ACAD11: variants seen among roughly 807,000 people sequenced by gnomAD.
The protein encoded by ACAD11 is acyl-Coenzyme A dehydrogenase family, member 11.
In ACAD11, 83 loss-of-function variants were observed where a neutral mutation model predicts 102.2. The observed-to-expected ratio is 0.81, with a 90% CI of 0.68 to 0.97. ACAD11 has a LOEUF of 0.97. ACAD11 is among the 50% of genes least tolerant of loss of function. ACAD11 has a pLI of 0.00. For synonymous variants in ACAD11, 324 were observed against 319.8 expected (o/e 1.01, Z -0.14); for missense variants, 901 against 951.7 (o/e 0.95, Z 0.70).
chr3:132,602,634 T>G (rs1213226129), intron 13 of ACAD11, among the ~76,000 whole-genome samples: 1 of 152,156 alleles, frequency 6.6e-6, no homozygotes, highest in Non-Finnish European at 1.5e-5. Flanking sequence ...AGCAATTACA[T>G]TGGTCAAAAA....
At chr3:132,632,154 G>T (rs1940069987) in intron 5 of ACAD11, among the ~76,000 whole-genome samples, 1 of 150,442 alleles carries the variant, frequency 6.6e-6, no homozygotes, top group Admixed American at 6.6e-5. Context: ...CGCGATCTCT[G>T]CTCACTGCAA....
chr3:132,575,021 T>C (rs1937497182), intron 17 of ACAD11, among the ~76,000 whole-genome samples: 1 of 151,610 alleles, frequency 6.6e-6, no homozygotes, highest in South Asian at 2.1e-4. Flanking sequence ...TTTTTTTTTG[T>C]ATTTTAGTAG....
At position 132,609,819 on chromosome 3, in the gene ACAD11, C is replaced by A. The variant is rs186871739; in HGVS notation, c.1415-4614G>T. Reference sequence around the variant, plus strand: ...CTGATACCAAAACCTGGTGGAGACACAACAAAAAAAGAAAATTTCAGGCCA... The same window carrying A: ...CTGATACCAAAACCTGGTGGAGACAAAACAAAAAAAGAAAATTTCAGGCCA... On this transcript the variant is annotated intron_variant, in intron 11 of 19. Coordinates refer to ENST00000264990, the MANE Select transcript of ACAD11 (RefSeq NM_032169.5). 2.0e-3 allele frequency among the ~76,000 whole-genome samples: 310 copies of A among 152,050 alleles called. 2 individuals carry two copies. Among genetic ancestry groups the A allele is most frequent in the African/African-American group, 7.1e-3 (295 of 41,472 alleles).
At chr3:132,632,645 T>C (rs1018008066) in intron 5 of ACAD11, among the ~76,000 whole-genome samples, 7 of 152,206 alleles carry the variant, frequency 4.6e-5, no homozygotes, top group East Asian at 1.9e-4. Flanking sequence ...GGGGATGGCA[T>C]TGAATCTATA....
chr3:132,619,450 C>A lies in ACAD11; in HGVS notation c.1275+18G>T. Reference sequence around the variant, plus strand: ...AAACACTTGCATATGAATTTTCTAGCGTTAAAGATTTTCTTACCTTGAGTT... The same window carrying A: ...AAACACTTGCATATGAATTTTCTAGAGTTAAAGATTTTCTTACCTTGAGTT... On this transcript the variant is annotated intron_variant, in intron 10 of 19. Coordinates refer to ENST00000264990, the MANE Select transcript of ACAD11 (RefSeq NM_032169.5). 1 of 1,533,996 alleles carries A rather than the reference C, an allele frequency of 6.5e-7. No homozygotes were observed. Among genetic ancestry groups the A allele is most frequent in the Non-Finnish European group, 8.8e-7 (1 of 1,136,800 alleles).
In ACAD11 at chr3:132,575,650, C is replaced by G. The variant is rs142422134; in HGVS notation, c.2001+122G>C. On this transcript the variant is annotated intron_variant, in intron 17 of 19. Coordinates refer to ENST00000264990, the MANE Select transcript of ACAD11 (RefSeq NM_032169.5). Reference sequence around the variant, plus strand: ...ATATTTAAATACAGACATAAATATGCCTTATTGAAAAGAATCACCCGGTTC... The same window carrying G: ...ATATTTAAATACAGACATAAATATGGCTTATTGAAAAGAATCACCCGGTTC... 1.6e-4 allele frequency: 189 copies of G among 1,166,614 alleles called. 1 individual carries two copies. The East Asian group carries it at 4.7e-3, about 29-fold the overall frequency. The allele number at this position is 1,166,614 out of a possible 1,614,324, so 72.3% of individuals were successfully genotyped here.
chr3:132,619,289 T>A (rs567661749), intron 10 of ACAD11, among the ~76,000 whole-genome samples, 179 bp downstream of exon 10: 1 of 152,314 alleles, frequency 6.6e-6, no homozygotes, highest in East Asian at 1.9e-4. Flanking sequence ...CTACCATATA[T>A]AGAACACTAC....
chr3:132,579,605 T>C, intron 13 of ACAD11, 47 bp from the exon 14 acceptor site: 1 of 1,513,350 alleles, frequency 6.6e-7, no homozygotes, highest in Non-Finnish European at 9.2e-7. Context: ...AAATTTCTAG[T>C]TTGACATTTC....
chr3:132,584,064 G>A (rs917265061), intron 13 of ACAD11, among the ~76,000 whole-genome samples: 1 of 152,204 alleles, frequency 6.6e-6, no homozygotes. Flanking sequence ...TTCTGTAGAT[G>A]TCTACTAGGT....
chr3:132,592,477 CT>C lies in ACAD11; in HGVS notation c.1621+10751del, dbSNP rs559165647. 3.3e-3 allele frequency among the ~76,000 whole-genome samples: 498 copies of C among 152,204 alleles called. 3 individuals carry two copies. The highest frequency in any genetic ancestry group is 0.012 in the African/African-American group (481 of 41,534). On this transcript the variant is annotated intron_variant, in intron 13 of 19. Coordinates refer to ENST00000264990, the MANE Select transcript of ACAD11 (RefSeq NM_032169.5). ...GTTCAAGTGCCAGGATTAAGTCAGG[CT>C]AAAAATTACATCTCCCTGATGTTAG...
chr3:132,599,569 A>G (rs957198428), intron 13 of ACAD11, among the ~76,000 whole-genome samples: 1 of 152,160 alleles, frequency 6.6e-6, no homozygotes, highest in South Asian at 2.1e-4. Flanking sequence ...GGTGAGAAAC[A>G]TAATAGCTGA....
At chr3:132,613,240 G>A (rs538504373) in intron 11 of ACAD11, among the ~76,000 whole-genome samples, 1 of 151,672 alleles carries the variant, frequency 6.6e-6, no homozygotes, top group Admixed American at 6.6e-5. Flanking sequence ...GTGGGGGAAG[G>A]GGGGAGGGAT....
intron 17 of ACAD11, among the ~76,000 whole-genome samples, chr3:132,573,322 G>A (rs766154430): frequency 6.6e-6 from 1 of 152,116 alleles, no homozygotes; most frequent in African/African-American, 2.4e-5. Flanking sequence ...AGTCTGAACT[G>A]AGATGTACTA....
intron 11 of ACAD11, among the ~76,000 whole-genome samples, chr3:132,609,337 T>G (rs2107833645): frequency 6.6e-6 from 1 of 152,082 alleles, no homozygotes; most frequent in Non-Finnish European, 1.5e-5. Flanking sequence ...CTTCAAAAAA[T>G]AAATGAATCC....
chr3:132,616,338 T>C (rs375220384), intron 11 of ACAD11, among the ~76,000 whole-genome samples: 1 of 152,158 alleles, frequency 6.6e-6, no homozygotes, highest in East Asian at 1.9e-4. Context: ...AGTTCACAGG[T>C]CAAATGATAA....
chr3:132,632,334 C>T (rs1047733519), intron 5 of ACAD11, among the ~76,000 whole-genome samples: 1 of 152,124 alleles, frequency 6.6e-6, no homozygotes, highest in African/African-American at 2.4e-5. Context: ...ATCCGCCCGC[C>T]TTGGCCGCCC....
rs773264045 is a variant in ACAD11, at chr3:132,626,783, T to C, written c.1105A>G (p.Thr369Ala). The C allele has an allele frequency of 1.4e-5, 22 of 1,613,642 alleles. No homozygotes were observed. The highest frequency in any genetic ancestry group is 1.8e-5 in the Non-Finnish European group (21 of 1,179,906). The part of the protein sequence containing the change: ...FSTVLPQIDT[T>A]GQLFVQTRKG... ...CGAGTCTGTACAAACAACTGTCCAGTAGTATCAATCTGTGGTAGTACAGTA... is the reference window on the plus strand; with the variant it reads ...CGAGTCTGTACAAACAACTGTCCAGCAGTATCAATCTGTGGTAGTACAGTA... Residue 369 changes from threonine to alanine, a missense_variant, in exon 9 of 20, where the codon ACT becomes GCT. Coordinates refer to ENST00000264990, the MANE Select transcript of ACAD11 (RefSeq NM_032169.5).
chr3:132,564,976 CAGTG>C (rs960273287), intron 17 of ACAD11, among the ~76,000 whole-genome samples: 19 of 152,116 alleles, frequency 1.2e-4, no homozygotes, highest in African/African-American at 4.3e-4. Flanking sequence ...CTGGAAATGT[CAGTG>C]AGCACAGACC....
At chr3:132,638,120 G>A (rs758220692) in intron 5 of ACAD11, among the ~76,000 whole-genome samples, 4 of 152,032 alleles carry the variant, frequency 2.6e-5, no homozygotes, top group Non-Finnish European at 5.9e-5. Context: ...GAAAAATGAG[G>A]GTACCTGAAA....
Sources: gnomAD v4.1 joint callset for allele counts (sites outside exome capture counted in the v4.1 genomes callset) on GRCh38, gnomAD v4.1.1 for gene constraint, MANE v1.5 for transcripts, NCBI Gene and HGNC (gene_info 2026-07-23, HGNC 2026-07-21) for gene names.